RBMS3: variants seen among roughly 807,000 people sequenced by gnomAD.
RBMS3 encodes RNA-binding motif, single-stranded-interacting protein 3.
A neutral mutation model predicts 66.8 loss-of-function variants in RBMS3; 27 were observed. That is an observed-to-expected ratio of 0.40 (90% CI 0.30 to 0.56). The LOEUF is 0.56. Ranked by LOEUF, RBMS3 falls within the 20% of genes least tolerant of loss-of-function variation. RBMS3 has a pLI of 0.40. For missense variants in RBMS3, 513 were observed against 549.5 expected (o/e 0.93, Z 0.66); for synonymous variants, 188 against 183.0 (o/e 1.03, Z -0.22).
At chr3:29,464,082 C>T (rs1213713812) in intron 2 of RBMS3, among the ~76,000 whole-genome samples, 5 of 151,994 alleles carry the variant, frequency 3.3e-5, no homozygotes, top group Admixed American at 1.3e-4. Context: ...TGTTTTTTCT[C>T]GGGCACCTGC....
At chr3:29,756,988 T>C (rs956642809) in intron 5 of RBMS3, among the ~76,000 whole-genome samples, 3 of 152,122 alleles carry the variant, frequency 2.0e-5, no homozygotes, top group African/African-American at 7.2e-5. Context: ...AGGTAAAACC[T>C]CTGGGTTTGA....
intron 6 of RBMS3, among the ~76,000 whole-genome samples, chr3:29,846,871 G>C (rs2058793624): frequency 6.6e-6 from 1 of 152,114 alleles, no homozygotes; most frequent in Non-Finnish European, 1.5e-5. Context: ...TAGCTTCCTT[G>C]TTTTAAAAAG....
At chr3:29,325,645 TACACAC>T (rs139930927) in intron 1 of RBMS3, among the ~76,000 whole-genome samples, 3 of 146,690 alleles carry the variant, frequency 2.0e-5, no homozygotes, top group Non-Finnish European at 3.0e-5. Flanking sequence ...TATATACACA[TACACAC>T]ACACACACAC....
intron 4 of RBMS3, among the ~76,000 whole-genome samples, chr3:29,634,765 C>T (rs1453044538): frequency 3.3e-5 from 5 of 151,800 alleles, no homozygotes; most frequent in East Asian, 3.9e-4. Context: ...AGGACAATAA[C>T]GTTTTCTAAT....
intron 1 of RBMS3, among the ~76,000 whole-genome samples, chr3:29,416,463 T>A (rs1225145856): frequency 6.6e-6 from 1 of 152,176 alleles, no homozygotes; most frequent in Non-Finnish European, 1.5e-5. Context: ...GTTACATGGA[T>A]TTGGAAAATT....
intron 8 of RBMS3, among the ~76,000 whole-genome samples, chr3:29,894,212 A>ATTTGTTTG (rs1003300425): frequency 6.6e-6 from 1 of 151,130 alleles, no homozygotes; most frequent in Non-Finnish European, 1.5e-5. Context: ...CATCTTTTTC[A>ATTTGTTTG]TTTGTTTGTT....
chr3:29,830,499 G>A (rs1199063339), intron 6 of RBMS3, among the ~76,000 whole-genome samples: 6 of 152,038 alleles, frequency 3.9e-5, no homozygotes, highest in South Asian at 2.1e-4. Context: ...CTCAAAATAC[G>A]TGCCCTTTTG....
At chr3:29,790,373 A>T (rs1451651851) in intron 6 of RBMS3, among the ~76,000 whole-genome samples, 1 of 152,168 alleles carries the variant, frequency 6.6e-6, no homozygotes, top group Non-Finnish European at 1.5e-5. Flanking sequence ...CATTATGAGT[A>T]TTTGGTTACA....
chr3:29,513,096 T>C (rs1190832974), intron 3 of RBMS3, among the ~76,000 whole-genome samples: 1 of 152,198 alleles, frequency 6.6e-6, no homozygotes, highest in African/African-American at 2.4e-5. Flanking sequence ...TAGGTCTCTC[T>C]CCTGAACACA....
chr3:29,739,974 C>CA (rs397989061), intron 5 of RBMS3, 97 bp downstream of exon 5: 184,652 of 557,698 alleles, frequency 0.33, 9,454 homozygotes, highest in Admixed American at 0.41. Flanking sequence ...ATAGAATATG[C>CA]AAAAAAAAAA....
intron 4 of RBMS3, among the ~76,000 whole-genome samples, chr3:29,734,764 A>G (rs2054304364): frequency 6.6e-6 from 1 of 152,168 alleles, no homozygotes; most frequent in African/African-American, 2.4e-5. Flanking sequence ...ACATTAACAT[A>G]ATATCAAATG....
intron 1 of RBMS3, among the ~76,000 whole-genome samples, chr3:29,378,925 A>G (rs1239580299): frequency 6.6e-6 from 1 of 152,188 alleles, no homozygotes; most frequent in Non-Finnish European, 1.5e-5. Context: ...TATTTGGGAG[A>G]CTATCTCTCA....
chr3:29,351,736 C>T (rs927125014), intron 1 of RBMS3, among the ~76,000 whole-genome samples: 17 of 152,092 alleles, frequency 1.1e-4, no homozygotes, highest in Middle Eastern at 6.8e-3. Flanking sequence ...AATAATATCT[C>T]ATATGTTTTT....
chr3:29,798,035 G>A (rs568912632), intron 6 of RBMS3, among the ~76,000 whole-genome samples: 1 of 151,974 alleles, frequency 6.6e-6, no homozygotes, highest in Non-Finnish European at 1.5e-5. Context: ...CAAAGAAAGA[G>A]ATGGGGAACA....
chr3:29,314,184 G>C (rs1212236292), intron 1 of RBMS3, among the ~76,000 whole-genome samples: 1 of 151,654 alleles, frequency 6.6e-6, no homozygotes, highest in African/African-American at 2.4e-5. Flanking sequence ...CAACCTTGTG[G>C]TAAAAATCCC....
chr3:29,583,022 C>T (rs916925012), intron 3 of RBMS3, among the ~76,000 whole-genome samples: 1 of 152,054 alleles, frequency 6.6e-6, no homozygotes, highest in African/African-American at 2.4e-5. Flanking sequence ...TTTATGAAGC[C>T]TTTATCCCCC....
At chr3:29,479,825 C>T (rs1257760630) in intron 2 of RBMS3, among the ~76,000 whole-genome samples, 1 of 151,930 alleles carries the variant, frequency 6.6e-6, no homozygotes, top group African/African-American at 2.4e-5. Context: ...CAAGGTCTTT[C>T]AAAAAAATCA....
intron 3 of RBMS3, among the ~76,000 whole-genome samples, chr3:29,576,470 T>G (rs2047124701): frequency 6.6e-6 from 1 of 151,904 alleles, no homozygotes; most frequent in Non-Finnish European, 1.5e-5. Flanking sequence ...AGGCCCACTC[T>G]AACCACTACC....
chr3:29,696,876 G>A, intron 4 of RBMS3: 11 of 833,552 alleles, frequency 1.3e-5, no homozygotes, highest in African/African-American at 1.9e-5. Flanking sequence ...AGGGGTGAGG[G>A]AGCTAGGTTA....
Sources: gnomAD v4.1 joint callset for allele counts (sites outside exome capture counted in the v4.1 genomes callset) on GRCh38, gnomAD v4.1.1 for gene constraint, MANE v1.5 for transcripts, NCBI Gene and HGNC (gene_info 2026-07-23, HGNC 2026-07-21) for gene names.